The following SRBD1 variants were observed in gnomAD, a reference collection of about 807,000 sequenced individuals.
SRBD1 encodes the protein S1 RNA-binding domain-containing protein 1.
A neutral mutation model predicts 115.3 loss-of-function variants in SRBD1; 88 were observed. That is an observed-to-expected ratio of 0.76 (90% CI 0.64 to 0.91). SRBD1 has a LOEUF of 0.91. SRBD1 is among the 40% of genes least tolerant of loss of function. The pLI, the probability that SRBD1 is intolerant of heterozygous loss-of-function variation, is 0.00. For synonymous variants in SRBD1, 509 were observed against 407.7 expected (o/e 1.25, Z -2.99); for missense variants, 1,385 against 1,177.4 (o/e 1.18, Z -2.58).
chr2:45,572,912 T>C (rs1291856415), intron 9 of SRBD1, among the ~76,000 whole-genome samples: 1 of 152,124 alleles, frequency 6.6e-6, no homozygotes, highest in Non-Finnish European at 1.5e-5. Flanking sequence ...AGCTCAAATA[T>C]AAGGATACTG....
At chr2:45,425,832 T>A (rs1668136452) in intron 16 of SRBD1, among the ~76,000 whole-genome samples, 1 of 152,138 alleles carries the variant, frequency 6.6e-6, no homozygotes. Flanking sequence ...ACTACGCTTT[T>A]CCCGTGGTCT....
intron 18 of SRBD1, among the ~76,000 whole-genome samples, chr2:45,414,139 T>G (rs72616918): frequency 0.18 from 26,842 of 152,012 alleles, 3,132 homozygotes; most frequent in African/African-American, 0.33. Context: ...TATCTTAAAG[T>G]TTCTGAGAGA....
intron 16 of SRBD1, among the ~76,000 whole-genome samples, chr2:45,443,141 T>A (rs1278141640): frequency 1.3e-5 from 2 of 152,150 alleles, no homozygotes; most frequent in African/African-American, 4.8e-5. Context: ...ACATACTTTT[T>A]AAAAATTATG....
chr2:45,525,109 C>A (rs1558454284), intron 14 of SRBD1, among the ~76,000 whole-genome samples: 1 of 151,876 alleles, frequency 6.6e-6, no homozygotes, highest in Non-Finnish European at 1.5e-5. Flanking sequence ...AATTTGAACC[C>A]TTACTTTACA....
intron 1 of SRBD1, among the ~76,000 whole-genome samples, chr2:45,610,937 A>C (rs1166397275): frequency 3.3e-5 from 5 of 152,046 alleles, no homozygotes; most frequent in Non-Finnish European, 7.4e-5. Context: ...CAAAAAAAAA[A>C]AAAACAGGCT....
intron 14 of SRBD1, among the ~76,000 whole-genome samples, chr2:45,515,348 T>TA (rs1239940930): frequency 1.3e-5 from 2 of 152,180 alleles, no homozygotes; most frequent in African/African-American, 4.8e-5. Context: ...GTTATACAAC[T>TA]AGTAGGTGGC....
chr2:45,450,793 T>C (rs1443697330), intron 16 of SRBD1, among the ~76,000 whole-genome samples: 1 of 152,116 alleles, frequency 6.6e-6, no homozygotes, highest in African/African-American at 2.4e-5. Flanking sequence ...TCTATTTAGT[T>C]TGGACAGGTC....
At chr2:45,546,961 C>G in intron 13 of SRBD1, 122 bp from the exon 14 acceptor site, 1 of 879,402 alleles carries the variant, frequency 1.1e-6, no homozygotes, top group Non-Finnish European at 1.8e-6. Flanking sequence ...TATATACAAG[C>G]AACCTGTCCA....
chr2:45,565,235 G>T (rs578047017), intron 9 of SRBD1, among the ~76,000 whole-genome samples: 1 of 152,190 alleles, frequency 6.6e-6, no homozygotes, highest in South Asian at 2.1e-4. Flanking sequence ...TTTCAAAACT[G>T]ACTACAAAGC....
chr2:45,447,672 T>A (rs1189412815), intron 16 of SRBD1: 1 of 152,220 alleles, frequency 6.6e-6, no homozygotes, highest in Non-Finnish European at 1.5e-5. Flanking sequence ...GAATAGCCAT[T>A]AGGCATATAA....
At chr2:45,609,124 C>T (rs937207930) in intron 1 of SRBD1, among the ~76,000 whole-genome samples, 1 of 152,102 alleles carries the variant, frequency 6.6e-6, no homozygotes, top group African/African-American at 2.4e-5. Flanking sequence ...TCTTTAACAG[C>T]TTCATTGACA....
chr2:45,494,035 T>G (rs985883546), intron 14 of SRBD1, among the ~76,000 whole-genome samples: 7 of 152,056 alleles, frequency 4.6e-5, no homozygotes, highest in Non-Finnish European at 1.0e-4. Flanking sequence ...AAAATTAAAC[T>G]GCACTATTTA....
intron 19 of SRBD1, among the ~76,000 whole-genome samples, chr2:45,403,773 A>G (rs990252374): frequency 6.6e-6 from 1 of 152,146 alleles, no homozygotes; most frequent in Non-Finnish European, 1.5e-5. Context: ...GGGGTACATC[A>G]AAAGCAGCTT....
intron 12 of SRBD1, chr2:45,549,029 C>T (rs969214725): frequency 6.6e-6 from 1 of 152,174 alleles, no homozygotes; most frequent in African/African-American, 2.4e-5. Flanking sequence ...AGAACAGGAG[C>T]TGAAACTGAG....
intron 16 of SRBD1, among the ~76,000 whole-genome samples, chr2:45,433,116 C>T (rs532154698): frequency 1.3e-3 from 198 of 152,234 alleles, no homozygotes; most frequent in African/African-American, 4.4e-3. Flanking sequence ...TTTTACTCAG[C>T]GACCATCATC....
At chr2:45,463,022 G>GGC (rs1553336314) in intron 16 of SRBD1, among the ~76,000 whole-genome samples, 1 of 34,962 alleles carries the variant, frequency 2.9e-5, no homozygotes, top group Admixed American at 2.1e-4. Flanking sequence ...TAACCCGGGG[G>GGC]GGGGGGGGGA....
intron 16 of SRBD1, among the ~76,000 whole-genome samples, chr2:45,441,750 T>C (rs562852092): frequency 2.2e-4 from 33 of 152,348 alleles, no homozygotes; most frequent in African/African-American, 7.7e-4. Context: ...GTGGCATTGC[T>C]TGAGGGCATT....
chr2:45,508,526 A>G (rs940174330), intron 14 of SRBD1, among the ~76,000 whole-genome samples: 2 of 152,168 alleles, frequency 1.3e-5, no homozygotes, highest in East Asian at 3.8e-4. Flanking sequence ...TTTCCTGTTA[A>G]GTTTTCCAAC....
intron 16 of SRBD1, among the ~76,000 whole-genome samples, chr2:45,451,257 T>C (rs1668983983): frequency 6.6e-6 from 1 of 152,112 alleles, no homozygotes; most frequent in South Asian, 2.1e-4. Context: ...AAATGTAGCC[T>C]CAAGTTTTGG....
Sources: allele counts gnomAD v4.1 joint callset (sites outside exome capture counted in the v4.1 genomes callset), GRCh38; gene constraint gnomAD v4.1.1; transcripts MANE v1.5; gene names NCBI Gene and HGNC (gene_info 2026-07-23, HGNC 2026-07-21).